Variants in RAD51B observed in about 807,000 individuals in gnomAD.
RAD51B encodes RAD51 paralog B, also known as DNA repair protein RAD51 homolog 2.
Under a neutral mutation model 42.2 loss-of-function variants are expected in RAD51B, and 38 were observed. The ratio of observed to expected loss-of-function variants is 0.90; its 90% confidence interval spans 0.70 to 1.18. The LOEUF (loss-of-function observed/expected upper bound fraction) is 1.18. Ranked by LOEUF, RAD51B falls within the 50% of genes most tolerant of loss-of-function variation. The probability of loss-of-function intolerance (pLI) is 0.00; values close to 1 mark genes in which losing one functional copy is unlikely to be tolerated. For missense variants in RAD51B, 373 were observed against 400.7 expected (o/e 0.93, Z 0.59); for synonymous variants, 154 against 145.2 (o/e 1.06, Z -0.43).
At chr14:68,675,496 G>A (rs370280722) in intron 11 of RAD51B, among the ~76,000 whole-genome samples, 4 of 152,154 alleles carry the variant, frequency 2.6e-5, no homozygotes, top group African/African-American at 4.8e-5. Context: ...GCTAAGAGAA[G>A]GCCTGGGGTT....
chr14:68,431,247 T>A (rs1389629199), intron 9 of RAD51B, among the ~76,000 whole-genome samples: 3 of 151,962 alleles, frequency 2.0e-5, no homozygotes, highest in South Asian at 2.1e-4. Flanking sequence ...CTTTGGTATG[T>A]GGATGATGCT....
intron 8 of RAD51B, among the ~76,000 whole-genome samples, chr14:68,322,749 C>T (rs1354171315): frequency 6.6e-6 from 1 of 152,084 alleles, no homozygotes; most frequent in Non-Finnish European, 1.5e-5. Context: ...CTATTAGGAA[C>T]CTAAAAGCTA....
chr14:68,293,224 T>C (rs56754314), intron 8 of RAD51B, among the ~76,000 whole-genome samples: 1 of 152,166 alleles, frequency 6.6e-6, no homozygotes, highest in Non-Finnish European at 1.5e-5. Flanking sequence ...ATAGTTTTTT[T>C]TGTTTGTTTC....
At chr14:68,116,630 C>T (rs540397600) in intron 7 of RAD51B, among the ~76,000 whole-genome samples, 150 of 152,228 alleles carry the variant, frequency 9.9e-4, no homozygotes, top group Non-Finnish European at 1.9e-3. Context: ...GCTTTATTTT[C>T]TGTAAATTAC....
intron 8 of RAD51B, among the ~76,000 whole-genome samples, chr14:68,305,609 T>C (rs73272218): frequency 0.03 from 4,515 of 152,244 alleles, 236 homozygotes; most frequent in African/African-American, 0.1. Flanking sequence ...ATTTTTAATA[T>C]CAGAGGCATT....
chr14:68,302,214 CAT>C (rs745935338), intron 8 of RAD51B, among the ~76,000 whole-genome samples: 1 of 152,118 alleles, frequency 6.6e-6, no homozygotes, highest in Non-Finnish European at 1.5e-5. Flanking sequence ...GCTTGGGACA[CAT>C]AGACAAATGC....
At chr14:68,676,874 G>T (rs1326341486) in intron 11 of RAD51B, among the ~76,000 whole-genome samples, 1 of 152,248 alleles carries the variant, frequency 6.6e-6, no homozygotes, top group Admixed American at 6.5e-5. Context: ...GGCAGGGCCA[G>T]CGTGAGGTCA....
chr14:68,458,538 T>C (rs912828443), intron 9 of RAD51B, among the ~76,000 whole-genome samples: 2 of 152,038 alleles, frequency 1.3e-5, no homozygotes, highest in Non-Finnish European at 2.9e-5. Flanking sequence ...TGTTATATTA[T>C]AGGTAAACAT....
At chr14:68,172,430 A>C (rs1465974166) in intron 7 of RAD51B, among the ~76,000 whole-genome samples, 1 of 152,212 alleles carries the variant, frequency 6.6e-6, no homozygotes, top group Admixed American at 6.5e-5. Flanking sequence ...AATTTGGAGA[A>C]TAAGAAGGTT....
chr14:68,587,719 C>T (rs748948363), intron 10 of RAD51B, among the ~76,000 whole-genome samples: 15 of 152,168 alleles, frequency 9.9e-5, no homozygotes, highest in Non-Finnish European at 2.2e-4. Flanking sequence ...CTCCGCCAGC[C>T]TTTGCTACCC....
At chr14:68,376,460 A>G (rs555246230) in intron 8 of RAD51B, among the ~76,000 whole-genome samples, 6 of 152,356 alleles carry the variant, frequency 3.9e-5, no homozygotes, top group African/African-American at 1.2e-4. Flanking sequence ...AGAATGAGAA[A>G]GTTATCCAAG....
At chr14:68,125,161 T>C (rs1219189328) in intron 7 of RAD51B, 1 of 152,224 alleles carries the variant, frequency 6.6e-6, no homozygotes, top group Admixed American at 6.5e-5. Context: ...AAAAATTGCA[T>C]AGGGCTGTAG....
chr14:68,183,824 T>A (rs933121748), intron 7 of RAD51B, among the ~76,000 whole-genome samples: 1 of 152,096 alleles, frequency 6.6e-6, no homozygotes, highest in African/African-American at 2.4e-5. Context: ...CCGGGCGTAG[T>A]GGCTCACGCC....
At position 67,987,400 on chromosome 14, in the gene RAD51B, G is replaced by T. The variant is rs575265876; in HGVS notation, c.756+100196G>T. On this transcript the variant is annotated intron_variant, in intron 7 of 10. Coordinates refer to ENST00000471583, the MANE Select transcript of RAD51B (RefSeq NM_133510.4). ...ACTCTCTATGTCCATGAGTTCAATTGTTTTGATTTTAATGGTTAGTACAAG... is the reference window on the plus strand; with the variant it reads ...ACTCTCTATGTCCATGAGTTCAATTTTTTTGATTTTAATGGTTAGTACAAG... Among the ~76,000 whole-genome samples, 3 of 152,096 alleles carry T rather than the reference G, an allele frequency of 2.0e-5. No homozygotes were observed. The South Asian group carries it at 6.2e-4, about 32-fold the overall frequency.
intron 10 of RAD51B, among the ~76,000 whole-genome samples, chr14:68,525,636 C>G (rs1886875308): frequency 6.6e-6 from 1 of 152,192 alleles, no homozygotes; most frequent in African/African-American, 2.4e-5. Context: ...TGTTCCATTT[C>G]TTAGCAGTGT....
chr14:68,233,273 G>A (rs2080182154), intron 7 of RAD51B, among the ~76,000 whole-genome samples: 1 of 152,120 alleles, frequency 6.6e-6, no homozygotes, highest in African/African-American at 2.4e-5. Flanking sequence ...TATTAGTTAA[G>A]CATGGTACTA....
intron 7 of RAD51B, among the ~76,000 whole-genome samples, chr14:68,282,599 C>A (rs1359089678): frequency 6.6e-6 from 1 of 152,212 alleles, no homozygotes; most frequent in African/African-American, 2.4e-5. Flanking sequence ...CACAATATCC[C>A]TTCCTTGAGG....
At chr14:68,626,160 G>A (rs897959687) in intron 10 of RAD51B, among the ~76,000 whole-genome samples, 8 of 152,190 alleles carry the variant, frequency 5.3e-5, no homozygotes, top group South Asian at 2.1e-4. Context: ...GTCCACCATC[G>A]GGCTGAGGAG....
At chr14:68,383,732 G>A (rs1179202770) in intron 8 of RAD51B, among the ~76,000 whole-genome samples, 5 of 152,084 alleles carry the variant, frequency 3.3e-5, no homozygotes, top group African/African-American at 1.2e-4. Flanking sequence ...AGTGTTCAGG[G>A]TCTTCTTCAC....
Sources: allele counts gnomAD v4.1 joint callset (sites outside exome capture counted in the v4.1 genomes callset), GRCh38; gene constraint gnomAD v4.1.1; transcripts MANE v1.5; gene names NCBI Gene and HGNC (gene_info 2026-07-23, HGNC 2026-07-21).